PIP5K1B: variants seen among roughly 807,000 people sequenced by gnomAD.
PIP5K1B encodes the protein phosphatidylinositol 4-phosphate 5-kinase type-1 beta.
Under a neutral mutation model 67.0 loss-of-function variants are expected in PIP5K1B, and 42 were observed. The ratio of observed to expected loss-of-function variants is 0.63; its 90% CI spans 0.49 to 0.81. The LOEUF (loss-of-function observed/expected upper bound fraction) is 0.81, where lower values mean the gene tolerates loss of function less well. Ranked by LOEUF, PIP5K1B falls within the 30% of genes least tolerant of loss-of-function variation. The probability of loss-of-function intolerance (pLI) is 0.00; values close to 1 mark genes in which losing one functional copy is unlikely to be tolerated. For synonymous variants in PIP5K1B, 214 were observed against 231.4 expected (o/e 0.92, Z 0.68); for missense variants, 459 against 646.3 (o/e 0.71, Z 3.14).
chr9:68,925,054 A>G (rs1826616121), intron 12 of PIP5K1B, among the ~76,000 whole-genome samples: 1 of 152,130 alleles, frequency 6.6e-6, no homozygotes. Flanking sequence ...TATTTTTCAT[A>G]TCATTGTATA....
At chr9:68,875,323 A>C (rs1319374988) in intron 5 of PIP5K1B, among the ~76,000 whole-genome samples, 3 of 140,292 alleles carry the variant, frequency 2.1e-5, no homozygotes, top group African/African-American at 7.9e-5. Flanking sequence ...AAAAAAAAAA[A>C]AAACAGTCAT....
At chr9:68,798,429 G>A (rs1048690123) in intron 2 of PIP5K1B, among the ~76,000 whole-genome samples, 1 of 152,162 alleles carries the variant, frequency 6.6e-6, no homozygotes, top group Admixed American at 6.5e-5. Flanking sequence ...AACAATAAAA[G>A]GTAGTTAGTA....
chr9:68,924,401 C>CGAAAAAAAAAAAA (rs1341716504), intron 12 of PIP5K1B, among the ~76,000 whole-genome samples: 22 of 86,754 alleles, frequency 2.5e-4, no homozygotes, highest in Non-Finnish European at 3.3e-4. Flanking sequence ...CACTGCGCCT[C>CGAAAAAAAAAAAA]AAAAAAAAAA....
At chr9:68,911,378 A>T (rs113150764) in intron 8 of PIP5K1B, among the ~76,000 whole-genome samples, 441 of 6,948 alleles carry the variant, frequency 0.063, 3 homozygotes, top group Non-Finnish European at 0.22. Flanking sequence ...CATCTCAAAT[A>T]AAAAAAAAAA....
chr9:68,709,889 G>A (rs929753007), intron 1 of PIP5K1B, among the ~76,000 whole-genome samples: 2 of 152,200 alleles, frequency 1.3e-5, no homozygotes, highest in Non-Finnish European at 2.9e-5. Context: ...TAGCCTGGGT[G>A]ACACAGCAAG....
At chr9:68,963,261 G>A (rs1463385246) in intron 14 of PIP5K1B, 10 of 455,278 alleles carry the variant, frequency 2.2e-5, no homozygotes, top group Non-Finnish European at 4.4e-5. Context: ...CCAGCACTTT[G>A]CGAGGCCGAG....
intron 2 of PIP5K1B, among the ~76,000 whole-genome samples, chr9:68,774,262 G>T (rs1403483327): frequency 6.6e-6 from 1 of 152,168 alleles, no homozygotes; most frequent in Non-Finnish European, 1.5e-5. Flanking sequence ...ATGTGAGGTT[G>T]CTGGAGTCTA....
chr9:68,930,794 C>T (rs78943163), intron 12 of PIP5K1B, among the ~76,000 whole-genome samples: 7 of 152,108 alleles, frequency 4.6e-5, no homozygotes, highest in African/African-American at 7.2e-5. Flanking sequence ...AGGAAATAAA[C>T]GTCCATGGAT....
chr9:68,780,309 C>T (rs766728966), intron 2 of PIP5K1B: 4 of 1,600,894 alleles, frequency 2.5e-6, no homozygotes, highest in South Asian at 1.1e-5. Flanking sequence ...TGACACTTCG[C>T]CGGTGTTCCA....
intron 1 of PIP5K1B, among the ~76,000 whole-genome samples, chr9:68,719,307 A>G (rs951461604): frequency 6.6e-6 from 1 of 152,214 alleles, no homozygotes; most frequent in African/African-American, 2.4e-5. Context: ...TTTATTTGCA[A>G]TGCTTTATGC....
At chr9:68,964,989 C>T (rs1368922175) in intron 14 of PIP5K1B, among the ~76,000 whole-genome samples, 2 of 152,220 alleles carry the variant, frequency 1.3e-5, no homozygotes, top group African/African-American at 4.8e-5. Flanking sequence ...AGGCCTGAGC[C>T]TTAAGCTGCC....
chr9:68,728,812 A>G (rs909351489), intron 1 of PIP5K1B: 10 of 152,174 alleles, frequency 6.6e-5, no homozygotes, highest in Non-Finnish European at 8.8e-5. Flanking sequence ...AGGATATCCA[A>G]CGAGAACCTC....
rs181145871 is a variant in PIP5K1B at position 68,917,803 on chromosome 9, C to T, written c.983+44C>T. The T allele has an allele frequency of 1.6e-5, 23 of 1,394,122 alleles. No individual in the cohort carries two copies. In the Admixed American group the frequency reaches 2.7e-4, roughly 16 times the overall value. The allele number at this position is 1,394,122 out of a possible 1,614,324, so 86.4% of individuals were successfully genotyped here. A position where few individuals can be genotyped will look rare whatever the true frequency, so the allele number is the denominator to read the frequency against. The stretch of plus-strand genomic sequence containing the variant: ...CTACCCACCCTCTTGACTGTGGCAG[C>T]CCACGTCACTGGGTAATTATAGACA... On this transcript the variant is annotated intron_variant, in intron 9 of 15. Transcript: ENST00000265382.
intron 5 of PIP5K1B, among the ~76,000 whole-genome samples, chr9:68,871,692 C>T (rs1823632764): frequency 6.6e-6 from 1 of 152,098 alleles, no homozygotes; most frequent in Admixed American, 6.5e-5. Context: ...TAAAAATGCC[C>T]TGATGTGATA....
At chr9:68,963,797 A>G (rs527321606) in intron 14 of PIP5K1B, among the ~76,000 whole-genome samples, 1 of 152,310 alleles carries the variant, frequency 6.6e-6, no homozygotes, top group South Asian at 2.1e-4. Flanking sequence ...CACTTTAGAC[A>G]ATAGATCCTT....
intron 1 of PIP5K1B, among the ~76,000 whole-genome samples, chr9:68,733,901 G>A (rs1423702249): frequency 3.9e-5 from 6 of 152,164 alleles, no homozygotes; most frequent in African/African-American, 4.8e-5. Flanking sequence ...GCCTCCCAAC[G>A]TGCTGGGATT....
At chr9:68,939,038 T>C (rs1001308237) in intron 13 of PIP5K1B, among the ~76,000 whole-genome samples, 26 of 152,196 alleles carry the variant, frequency 1.7e-4, no homozygotes, top group African/African-American at 6.3e-4. Context: ...TTTTGCTAGG[T>C]CACATCACAT....
chr9:68,843,670 C>T (rs1822036887), intron 4 of PIP5K1B, among the ~76,000 whole-genome samples: 1 of 152,198 alleles, frequency 6.6e-6, no homozygotes, highest in African/African-American at 2.4e-5. Context: ...GAGACTGAGG[C>T]CTCTTTCACT....
chr9:68,765,945 T>C (rs1830406550), intron 2 of PIP5K1B, among the ~76,000 whole-genome samples: 1 of 152,182 alleles, frequency 6.6e-6, no homozygotes, highest in African/African-American at 2.4e-5. Flanking sequence ...TAGGAAGTAA[T>C]TGGACAAGGG....
Sources: gnomAD v4.1 joint callset for allele counts (sites outside exome capture counted in the v4.1 genomes callset) on GRCh38, gnomAD v4.1.1 for gene constraint, MANE v1.5 for transcripts, NCBI Gene and HGNC (gene_info 2026-07-23, HGNC 2026-07-21) for gene names.